Variants in PPP2R5C observed in about 807,000 individuals in gnomAD.
The protein encoded by PPP2R5C is protein phosphatase 2 regulatory subunit B'gamma, also known as serine/threonine-protein phosphatase 2A 56 kDa regulatory subunit gamma isoform.
In PPP2R5C, 7 loss-of-function variants were observed where a neutral mutation model predicts 68.9. The observed-to-expected ratio is 0.10, with a 90% CI of 0.06 to 0.19. PPP2R5C has a LOEUF of 0.19. Among genes scored for constraint, PPP2R5C ranks in the 10% least tolerant of loss-of-function variants. PPP2R5C has a pLI of 1.00. For synonymous variants in PPP2R5C, 210 were observed against 222.2 expected (o/e 0.95, Z 0.49); for missense variants, 348 against 641.3 (o/e 0.54, Z 4.94).
intron 2 of PPP2R5C, among the ~76,000 whole-genome samples, chr14:101,776,972 C>A (rs532854768): frequency 2.0e-5 from 3 of 151,334 alleles, no homozygotes; most frequent in African/African-American, 7.3e-5. Flanking sequence ...CCTCCACCTC[C>A]CGGGTTCAAG....
intron 1 of PPP2R5C, 87 bp downstream of exon 1, chr14:101,762,007 C>T (rs1404309250): frequency 7.1e-6 from 8 of 1,132,866 alleles, no homozygotes; most frequent in Non-Finnish European, 8.8e-6. Flanking sequence ...TGCGCCCGGG[C>T]CCCGGCTCAG....
At position 101,784,641 on chromosome 14, in the gene PPP2R5C, G is replaced by A. The variant is rs148081652; in HGVS notation, c.94-1377G>A. ...TCCCACCAGGTCCCTCCCTTGACTC[G>A]TGGGGATTACAATTTGAGATGAGAT... On this transcript the variant is annotated intron_variant, in intron 2 of 14. Transcript: ENST00000328724. Among the ~76,000 whole-genome samples the A allele has an allele frequency of 2.4e-3, 366 of 152,262 alleles. 3 individuals carry two copies. The highest frequency in any genetic ancestry group is 8.6e-3 in the African/African-American group (358 of 41,562).
chr14:101,815,738 C>T (rs1043936633), intron 1 of PPP2R5C, among the ~76,000 whole-genome samples: 13 of 152,160 alleles, frequency 8.5e-5, no homozygotes, highest in East Asian at 5.8e-4. Context: ...GGCGTGATCT[C>T]GGCTCACTGC....
intron 1 of PPP2R5C, among the ~76,000 whole-genome samples, chr14:101,854,350 A>G (rs1185214820): frequency 6.6e-6 from 1 of 152,166 alleles, no homozygotes; most frequent in African/African-American, 2.4e-5. Context: ...GCAAGGCTCA[A>G]TGTTGGGCCT....
At chr14:101,892,434 G>A (rs1156690587) in intron 6 of PPP2R5C, among the ~76,000 whole-genome samples, 3 of 152,160 alleles carry the variant, frequency 2.0e-5, no homozygotes, top group Admixed American at 2.0e-4. Flanking sequence ...TTCCTGGCCT[G>A]TTTAGGGAGG....
intron 5 of PPP2R5C, among the ~76,000 whole-genome samples, chr14:101,886,384 G>A (rs1462275636): frequency 6.6e-6 from 1 of 152,080 alleles, no homozygotes; most frequent in African/African-American, 2.4e-5. Flanking sequence ...TAATTTACTT[G>A]AGTTCTCACT....
chr14:101,922,194 T>G, intron 13 of PPP2R5C: 1 of 985,278 alleles, frequency 1.0e-6, no homozygotes, highest in Non-Finnish European at 1.2e-6. Context: ...AGAAAGAAAT[T>G]TGGCAGCTGG....
chr14:101,877,027 C>T lies in PPP2R5C; in HGVS notation c.295-5134C>T, dbSNP rs1055786951. ...GCAGTGGTGCAATCTCGGTTCACTG[C>T]AACTTCCACCTCCCAGATTCAAGTG... On this transcript the variant is annotated intron_variant, in intron 2 of 13. Coordinates refer to ENST00000334743, the Ensembl canonical transcript of PPP2R5C. This position sits in a 1 kb window ranked among gnomAD's most constrained non-coding sequence, Gnocchi z 4.2. Among the ~76,000 whole-genome samples the T allele has an allele frequency of 2.1e-5, 3 of 141,482 alleles. No homozygotes were observed. Among genetic ancestry groups the T allele is most frequent in the African/African-American group, 8.1e-5 (3 of 36,992 alleles). 92.8% of individuals were successfully genotyped at this position (141,482 alleles called of 152,430 possible).
At position 101,781,278 on chromosome 14, in the gene PPP2R5C, C is replaced by G. The variant is rs988678593; in HGVS notation, c.94-4740C>G. Among the ~76,000 whole-genome samples, 4 of 152,312 alleles carry G rather than the reference C, an allele frequency of 2.6e-5. No homozygotes were observed. Among genetic ancestry groups the G allele is most frequent in the African/African-American group, 9.6e-5 (4 of 41,578 alleles). On this transcript the variant is annotated intron_variant, in intron 2 of 14. Coordinates refer to the PPP2R5C transcript ENST00000328724. The surrounding 1 kb of genome is among the most constrained non-coding windows in gnomAD (Gnocchi z 6.4). ...TTTACAGCTGCCGTATTTCCCGGGA[C>G]CCTGGCTTCTGTCCTCAGGGACCCC...
intron 1 of PPP2R5C, among the ~76,000 whole-genome samples, chr14:101,813,635 T>G (rs943013406): frequency 6.3e-4 from 96 of 152,226 alleles, no homozygotes; most frequent in Non-Finnish European, 2.4e-4. Context: ...GCCGGAAAGA[T>G]GGTAATGGCC....
chr14:101,852,905 G>A (rs1259047503), intron 1 of PPP2R5C, among the ~76,000 whole-genome samples: 1 of 152,026 alleles, frequency 6.6e-6, no homozygotes, highest in Non-Finnish European at 1.5e-5. Flanking sequence ...GATTTATCTT[G>A]AAATATTTGG....
chr14:101,770,510 G>T (rs1161342240), intron 2 of PPP2R5C, among the ~76,000 whole-genome samples: 1 of 152,162 alleles, frequency 6.6e-6, no homozygotes, highest in Admixed American at 6.5e-5. Context: ...GGAGCTTTGG[G>T]TGAGAAAATC....
rs190319261 is a variant in PPP2R5C, at chr14:101,815,429, G to A, written c.94+5393G>A. Among the ~76,000 whole-genome samples, 8 of 152,256 alleles carry A rather than the reference G, an allele frequency of 5.3e-5. No individual in the cohort carries two copies. In the East Asian group the frequency reaches 1.5e-3, roughly 29 times the overall value. On this transcript the variant is annotated intron_variant, in intron 1 of 13. Transcript: ENST00000334743. The stretch of plus-strand genomic sequence containing the variant: ...GTTTGTTAAAGGTTTACATGCGTAT[G>A]TTCTTGGTGTGCAGGGAGAAAGTTG...
At chr14:101,824,683 C>A (rs1247499330) in intron 1 of PPP2R5C, among the ~76,000 whole-genome samples, 3 of 152,228 alleles carry the variant, frequency 2.0e-5, no homozygotes, top group Admixed American at 1.3e-4. Flanking sequence ...AGCTGTATTT[C>A]ACTCACTCAC....
At chr14:101,834,874 T>C (rs2040982248) in intron 1 of PPP2R5C, among the ~76,000 whole-genome samples, 1 of 152,152 alleles carries the variant, frequency 6.6e-6, no homozygotes, top group Non-Finnish European at 1.5e-5. Context: ...TGGTACTTGA[T>C]TATATCCAGC....
At chr14:101,890,344 CAG>C in intron 6 of PPP2R5C, 48 bp downstream of exon 8, 6 of 1,543,110 alleles carry the variant, frequency 3.9e-6, no homozygotes, top group Non-Finnish European at 5.4e-6. Flanking sequence ...GAATTTATAC[CAG>C]AGTGATCCAT....
chr14:101,901,502 T>G (rs1026387840), intron 8 of PPP2R5C, among the ~76,000 whole-genome samples: 1 of 152,096 alleles, frequency 6.6e-6, no homozygotes, highest in African/African-American at 2.4e-5. Context: ...CTAAATAAAT[T>G]GATTGATCAG....
intron 8 of PPP2R5C, among the ~76,000 whole-genome samples, chr14:101,900,809 G>A (rs577568313): frequency 4.6e-5 from 7 of 152,304 alleles, no homozygotes; most frequent in Admixed American, 3.3e-4. Flanking sequence ...GCAGTCCGAC[G>A]GGCTGTGCCT....
chr14:101,858,764 A>T (rs913476218), intron 2 of PPP2R5C, among the ~76,000 whole-genome samples: 11 of 152,064 alleles, frequency 7.2e-5, no homozygotes, highest in Admixed American at 3.3e-4. Flanking sequence ...TCTGATTCCC[A>T]CTCTTTAACC....
Sources: allele counts gnomAD v4.1 joint callset (sites outside exome capture counted in the v4.1 genomes callset), GRCh38; gene constraint gnomAD v4.1.1; non-coding constraint Gnocchi (gnomAD v3.1); transcripts MANE v1.5; gene names NCBI Gene and HGNC (gene_info 2026-07-23, HGNC 2026-07-21).